Variants in ESRRG observed in about 807,000 individuals in gnomAD.
The protein encoded by ESRRG is estrogen-related receptor gamma.
ESRRG carries 13 observed loss-of-function variants against 44.0 expected under a neutral mutation model. That is an observed-to-expected ratio of 0.30 (90% CI 0.19 to 0.47). The LOEUF is 0.47. ESRRG is among the 20% of genes least tolerant of loss of function. ESRRG has a pLI of 1.00. For synonymous variants in ESRRG, 215 were observed against 214.6 expected (o/e 1.00, Z -0.02); for missense variants, 395 against 580.6 (o/e 0.68, Z 3.29).
intron 1 of ESRRG, among the ~76,000 whole-genome samples, chr1:217,083,379 A>G (rs1231100201): frequency 6.6e-6 from 1 of 152,152 alleles, no homozygotes; most frequent in Non-Finnish European, 1.5e-5. Context: ...TACTTAAGTA[A>G]ATAGTTAGTT....
intron 3 of ESRRG, among the ~76,000 whole-genome samples, chr1:216,640,989 A>AT (rs749801482): frequency 6.6e-6 from 1 of 152,164 alleles, no homozygotes; most frequent in Non-Finnish European, 1.5e-5. Context: ...TCCATCAGGG[A>AT]TTTTTTTAAT....
At chr1:216,781,375 G>C (rs1243630434) in intron 2 of ESRRG, among the ~76,000 whole-genome samples, 5 of 151,996 alleles carry the variant, frequency 3.3e-5, no homozygotes, top group Admixed American at 3.3e-4. Context: ...TAAGAGCAGT[G>C]TTAAAAGTAG....
At chr1:216,688,340 A>T (rs933826017) in intron 1 of ESRRG, among the ~76,000 whole-genome samples, 4 of 152,206 alleles carry the variant, frequency 2.6e-5, no homozygotes, top group African/African-American at 9.7e-5. Flanking sequence ...AAGTGCACGA[A>T]CGAGAGACAG....
At chr1:217,107,772 A>G (rs1217650241) in intron 1 of ESRRG, among the ~76,000 whole-genome samples, 1 of 152,220 alleles carries the variant, frequency 6.6e-6, no homozygotes, top group Non-Finnish European at 1.5e-5. Flanking sequence ...GATGTTATAA[A>G]GAGTATTTTC....
rs190531946 is a variant in ESRRG, at chr1:216,679,539, C to T, written c.57-2048G>A. Reference sequence around the variant, plus strand: ...ACTAAACCATGCTTGCTCCCCTTTCCTCTCTCCAGCACTGAATTTCCCACA... The same window carrying T: ...ACTAAACCATGCTTGCTCCCCTTTCTTCTCTCCAGCACTGAATTTCCCACA... On this transcript the variant is annotated intron_variant, in intron 1 of 6. Transcript: ENST00000408911. Among the ~76,000 whole-genome samples, 289 of 152,240 alleles carry T rather than the reference C, an allele frequency of 1.9e-3. 2 individuals are homozygous for T. Among genetic ancestry groups the T allele is most frequent in the African/African-American group, 6.8e-3 (282 of 41,536 alleles).
intron 3 of ESRRG, among the ~76,000 whole-genome samples, chr1:216,572,566 G>GA (rs879503949): frequency 6.0e-5 from 9 of 150,046 alleles, no homozygotes; most frequent in Non-Finnish European, 1.0e-4. Flanking sequence ...GTTTTTTCCA[G>GA]AAAAAAAAAA....
chr1:216,516,453 T>C (rs2044282760), intron 6 of ESRRG, among the ~76,000 whole-genome samples: 1 of 152,080 alleles, frequency 6.6e-6, no homozygotes, highest in South Asian at 2.1e-4. Context: ...ACAACATTTA[T>C]AATGATTGAA....
chr1:217,016,203 A>C (rs1034260710), intron 1 of ESRRG, among the ~76,000 whole-genome samples: 2 of 152,204 alleles, frequency 1.3e-5, no homozygotes, highest in Non-Finnish European at 2.9e-5. Context: ...ATCATAATGC[A>C]GACTGAGATA....
chr1:217,096,583 G>C (rs990164881), intron 1 of ESRRG, among the ~76,000 whole-genome samples: 1 of 142,026 alleles, frequency 7.0e-6, no homozygotes, highest in Non-Finnish European at 1.5e-5. Flanking sequence ...TGGTGTTTAC[G>C]AGTCGCCAAA....
chr1:216,652,791 A>G lies in ESRRG; in HGVS notation c.473-1702T>C, dbSNP rs73089987. On this transcript the variant is annotated intron_variant, in intron 2 of 6. Transcript: ENST00000408911. Reference sequence around the variant, plus strand: ...CACTCTTCACTGCAGAGTTTCTTCAACCATCTCTGAATATTTATTTTGCAT... The same window carrying G: ...CACTCTTCACTGCAGAGTTTCTTCAGCCATCTCTGAATATTTATTTTGCAT... Among the ~76,000 whole-genome samples the G allele has an allele frequency of 8.8e-3, 1,345 of 152,200 alleles. 25 individuals carry two copies. Among genetic ancestry groups the G allele is most frequent in the African/African-American group, 0.03 (1,237 of 41,528 alleles).
intron 2 of ESRRG, among the ~76,000 whole-genome samples, chr1:216,754,925 G>C (rs2092352430): frequency 6.6e-6 from 1 of 151,804 alleles, no homozygotes; most frequent in African/African-American, 2.4e-5. Flanking sequence ...AATATTTCAA[G>C]ATGATGACAG....
intron 2 of ESRRG, among the ~76,000 whole-genome samples, chr1:216,904,068 G>T (rs1056714878): frequency 6.6e-6 from 1 of 152,098 alleles, no homozygotes. Flanking sequence ...TACCTACCTT[G>T]CAGGGTTGCT....
chr1:216,640,942 C>T (rs2066295339), intron 3 of ESRRG, among the ~76,000 whole-genome samples: 2 of 152,150 alleles, frequency 1.3e-5, no homozygotes, highest in Admixed American at 1.3e-4. Context: ...AGTGCCTGAG[C>T]AAATGTTCAA....
At chr1:216,645,871 C>CAA (rs776262531) in intron 3 of ESRRG, among the ~76,000 whole-genome samples, 3,758 of 90,578 alleles carry the variant, frequency 0.041, 106 homozygotes, top group African/African-American at 0.071. Context: ...GACCCCTTCT[C>CAA]AAAAAAAAAA....
At chr1:217,100,649 G>C (rs566797584) in intron 1 of ESRRG, among the ~76,000 whole-genome samples, 20 of 152,332 alleles carry the variant, frequency 1.3e-4, no homozygotes, top group African/African-American at 4.8e-4. Flanking sequence ...GCTGGCACCT[G>C]CTTCTGGTGA....
At chr1:216,846,508 G>A (rs1008023536) in intron 2 of ESRRG, among the ~76,000 whole-genome samples, 3 of 152,180 alleles carry the variant, frequency 2.0e-5, no homozygotes, top group African/African-American at 7.2e-5. Context: ...AAATGGCTGT[G>A]ACTACGTTCC....
At chr1:217,136,046 AGGG>A (rs2093044937) in intron 1 of ESRRG, among the ~76,000 whole-genome samples, 6 of 152,124 alleles carry the variant, frequency 3.9e-5, no homozygotes, top group Non-Finnish European at 1.5e-5. Flanking sequence ...TTTTTGCGGA[AGGG>A]GGTAAGAATC....
chr1:217,096,602 T>A (rs1297589547), intron 1 of ESRRG, among the ~76,000 whole-genome samples: 1 of 127,480 alleles, frequency 7.8e-6, no homozygotes, highest in Non-Finnish European at 1.7e-5. Context: ...AAGGGGTGGA[T>A]TGACTGAACC....
chr1:216,648,337 TA>T (rs1336693580), intron 3 of ESRRG, among the ~76,000 whole-genome samples: 1 of 152,102 alleles, frequency 6.6e-6, no homozygotes, highest in African/African-American at 2.4e-5. Flanking sequence ...GGGAGGTGGT[TA>T]AAAAACTGAT....
Sources: gnomAD v4.1 joint callset for allele counts (sites outside exome capture counted in the v4.1 genomes callset) on GRCh38, gnomAD v4.1.1 for gene constraint, MANE v1.5 for transcripts, NCBI Gene and HGNC (gene_info 2026-07-23, HGNC 2026-07-21) for gene names.